Variants in LPL observed in about 807,000 individuals in gnomAD.
LPL encodes the protein phospholipase A1.
A neutral mutation model predicts 52.2 loss-of-function variants in LPL; 43 were observed. The observed-to-expected ratio is 0.82, with a 90% CI of 0.64 to 1.06. The LOEUF (loss-of-function observed/expected upper bound fraction) is 1.06, where lower values mean the gene tolerates loss of function less well. Among genes scored for constraint, LPL ranks in the 50% least tolerant of loss-of-function variants. LPL has a pLI of 0.00. For missense variants in LPL, 639 were observed against 585.3 expected (o/e 1.09, Z -0.95); for synonymous variants, 244 against 215.6 (o/e 1.13, Z -1.15).
Position 19,939,388 on chromosome 8 carries a change from G to A in LPL, c.-53G>A. 2 of 1,543,004 alleles carry A rather than the reference G, an allele frequency of 1.3e-6. No homozygotes were observed. Among genetic ancestry groups the A allele is most frequent in the Non-Finnish European group, 1.8e-6 (2 of 1,137,534 alleles). ...GCCCTCTCCAGCCTCCGGCTCAGCCGGCTCATCAGTCGGTCCGCGCCTTGC... is the reference window on the plus strand; with the variant it reads ...GCCCTCTCCAGCCTCCGGCTCAGCCAGCTCATCAGTCGGTCCGCGCCTTGC... On this transcript the variant is annotated 5_prime_UTR_variant, in exon 1 of 10. Coordinates refer to ENST00000650287, the MANE Select transcript of LPL (RefSeq NM_000237.3). The surrounding 1 kb of genome is among the most constrained non-coding windows in gnomAD (Gnocchi z 4.0).
Position 19,959,339 on chromosome 8 carries a change from G to C in LPL, c.1098G>C (p.Leu366=). Residue 366 remains leucine (L), a synonymous_variant, in exon 7 of 10, where the codon CTG becomes CTC. Coordinates refer to ENST00000650287, the MANE Select transcript of LPL (RefSeq NM_000237.3). ...CCAATCAGGCCTTTGAGATTTCTCT[G>C]TATGGCACCGTGGCCGAGAGTGAGA... ...THTNQAFEIS[L]YGTVAESENI... 3.7e-6 allele frequency: 6 copies of C among 1,614,130 alleles called. No homozygotes were observed. The highest frequency in any genetic ancestry group is 5.1e-6 in the Non-Finnish European group (6 of 1,180,014).
chr8:19,959,113 TTCCAA>T lies in LPL; in HGVS notation c.1019-146_1019-142del. ...ATGAACACTGTGCATGATGAAGTCTTTCCAAGCCACACCAGTGGTTCCATGTGTGT... is the reference window on the plus strand; with the variant it reads ...ATGAACACTGTGCATGATGAAGTCTTGCCACACCAGTGGTTCCATGTGTGT... On this transcript the variant is annotated intron_variant, in intron 6 of 9. Coordinates refer to ENST00000650287, the MANE Select transcript of LPL (RefSeq NM_000237.3). 2.2e-5 allele frequency: 20 copies of T among 921,314 alleles called. No homozygotes were observed. In the Admixed American group the frequency reaches 4.0e-4, roughly 18 times the overall value. 57.1% of individuals were successfully genotyped at this position (921,314 alleles called of 1,614,324 possible). A position where few individuals can be genotyped will look rare whatever the true frequency, so the allele number is the denominator to read the frequency against.
chr8:19,943,498 C>T (rs1174641263), intron 1 of LPL, among the ~76,000 whole-genome samples: 1 of 152,206 alleles, frequency 6.6e-6, no homozygotes, highest in Non-Finnish European at 1.5e-5. Context: ...CAATTGTTGG[C>T]AAAGTAATCA....
At chr8:19,949,817 A>G (rs1331369167) in intron 2 of LPL, among the ~76,000 whole-genome samples, 1 of 152,224 alleles carries the variant, frequency 6.6e-6, no homozygotes, top group African/African-American at 2.4e-5. Context: ...CTTTGGTTAT[A>G]TACAGAACTT....
rs967663518 is a variant in LPL at position 19,939,927 on chromosome 8, T to C, written c.88+399T>C. Among the ~76,000 whole-genome samples the C allele has an allele frequency of 2.6e-5, 4 of 152,060 alleles. No homozygotes were observed. The highest frequency in any genetic ancestry group is 9.7e-5 in the African/African-American group (4 of 41,436). On this transcript the variant is annotated intron_variant, in intron 1 of 9. Transcript: ENST00000650287. The surrounding 1 kb of genome is among the most constrained non-coding windows in gnomAD (Gnocchi z 4.0). The stretch of plus-strand genomic sequence containing the variant: ...CCTCTCTGCCGGAGGGGCCCTGGAA[T>C]GAAAGGCGCGCGGGCCAAGGTGACC...
chr8:19,956,154 A>G, intron 6 of LPL, 71 bp downstream of exon 6: 1 of 1,597,636 alleles, frequency 6.3e-7, no homozygotes, highest in Non-Finnish European at 8.6e-7. Flanking sequence ...CATCACATGT[A>G]CTGATTCTGT....
chr8:19,953,146 T>G (rs1022052559), intron 3 of LPL, among the ~76,000 whole-genome samples, 164 bp from the exon 4 acceptor site: 13 of 152,216 alleles, frequency 8.5e-5, no homozygotes, highest in African/African-American at 3.1e-4. Context: ...ATTTTAACAC[T>G]AGAGAATATT....
At chr8:19,942,616 G>A (rs951860180) in intron 1 of LPL, among the ~76,000 whole-genome samples, 1 of 152,158 alleles carries the variant, frequency 6.6e-6, no homozygotes, top group Non-Finnish European at 1.5e-5. Context: ...TCTTGTCACA[G>A]TGCTTTTGTC....
In LPL at chr8:19,960,982, C is replaced by T. The variant is rs2070033153; in HGVS notation, c.1221C>T (p.Leu407=). 1 of 1,614,028 alleles carries T rather than the reference C, an allele frequency of 6.2e-7. No individual in the cohort carries two copies. Among genetic ancestry groups the T allele is most frequent in the Non-Finnish European group, 8.5e-7 (1 of 1,179,932 alleles). Residue 407 remains leucine, a synonymous_variant, in exon 8 of 10, where the codon CTC becomes CTT. Transcript: ENST00000650287. ...VDIGELLMLK[L]KWKSDSYFSW... is the part of the protein sequence containing the mutation. Reference sequence around the variant, plus strand: ...TTGGAGAACTACTCATGTTGAAGCTCAAATGGAAGAGTGATTCATACTTTA... The same window carrying T: ...TTGGAGAACTACTCATGTTGAAGCTTAAATGGAAGAGTGATTCATACTTTA...
chr8:19,947,086 C>T (rs915026441), intron 1 of LPL, among the ~76,000 whole-genome samples: 2 of 152,318 alleles, frequency 1.3e-5, no homozygotes, highest in African/African-American at 4.8e-5. Flanking sequence ...TATTTCTGAA[C>T]AACCTACTAA....
At position 19,939,355 on chromosome 8, in the gene LPL, CG is replaced by C; in HGVS notation, c.-84del. ...GGGCGACTTGCTCAGCGCCAAACCG[CG>C]GCTCCAGCCCTCTCCAGCCTCCGGC... is the stretch of plus-strand genomic sequence containing the variant. On this transcript the variant is annotated 5_prime_UTR_variant, in exon 1 of 10. Transcript: ENST00000650287. This position sits in a 1 kb window ranked among gnomAD's most constrained non-coding sequence, Gnocchi z 4.0. 7.4e-7 allele frequency: 1 copy of C among 1,345,580 alleles called. No individual in the cohort carries two copies. The highest frequency in any genetic ancestry group is 1.0e-6 in the Non-Finnish European group (1 of 967,040). 83.4% of individuals were successfully genotyped at this position (1,345,580 alleles called of 1,614,324 possible).
chr8:19,940,785 TG>T (rs2069831145), intron 1 of LPL, among the ~76,000 whole-genome samples: 1 of 152,234 alleles, frequency 6.6e-6, no homozygotes, highest in African/African-American at 2.4e-5. Context: ...GAAACATTTT[TG>T]TTAGGTTAAA....
intron 6 of LPL, among the ~76,000 whole-genome samples, chr8:19,958,983 A>G (rs1458667277): frequency 6.6e-6 from 1 of 152,200 alleles, no homozygotes; most frequent in Admixed American, 6.5e-5. Flanking sequence ...AAAGATGGCT[A>G]CTTCCTAATG....
chr8:19,942,892 G>A (rs192730697), intron 1 of LPL, among the ~76,000 whole-genome samples: 50 of 152,308 alleles, frequency 3.3e-4, no homozygotes, highest in East Asian at 2.7e-3. Context: ...AAGTTCTGCC[G>A]GAAGTGAGCC....
intron 2 of LPL, among the ~76,000 whole-genome samples, chr8:19,948,697 GA>G (rs1172669727): frequency 5.3e-5 from 8 of 152,156 alleles, no homozygotes; most frequent in Non-Finnish European, 1.2e-4. Flanking sequence ...ACATTGCCAG[GA>G]GAACCTTTCT....
chr8:19,952,309 T>A, intron 3 of LPL, among the ~76,000 whole-genome samples: 1 of 152,224 alleles, frequency 6.6e-6, no homozygotes, highest in East Asian at 1.9e-4. Context: ...GGACATCTTA[T>A]CCTCACCTTG....
chr8:19,940,460 C>G (rs2069826079), intron 1 of LPL, among the ~76,000 whole-genome samples: 2 of 152,186 alleles, frequency 1.3e-5, no homozygotes, highest in African/African-American at 2.4e-5. Flanking sequence ...TCACCGCCGC[C>G]AGGGAACCGC....
chr8:19,939,385 G>GCCGGCTCAT lies in LPL; in HGVS notation c.-54_-46dup. 2 of 1,536,784 alleles carry GCCGGCTCAT rather than the reference G, an allele frequency of 1.3e-6. No individual in the cohort carries two copies. Among genetic ancestry groups the GCCGGCTCAT allele is most frequent in the South Asian group, 1.2e-5 (1 of 84,642 alleles). On this transcript the variant is annotated 5_prime_UTR_variant, in exon 1 of 10. Coordinates refer to ENST00000650287, the MANE Select transcript of LPL (RefSeq NM_000237.3). The surrounding 1 kb of genome is among the most constrained non-coding windows in gnomAD (Gnocchi z 4.0). ...CCAGCCCTCTCCAGCCTCCGGCTCA[G>GCCGGCTCAT]CCGGCTCATCAGTCGGTCCGCGCCT...
At chr8:19,952,084 G>C in intron 3 of LPL, 136 bp downstream of exon 3, 1 of 980,580 alleles carries the variant, frequency 1.0e-6, no homozygotes, top group Non-Finnish European at 1.6e-6. Context: ...AATCAGCGTG[G>C]ATATTATTTT....
Sources: allele counts gnomAD v4.1 joint callset (sites outside exome capture counted in the v4.1 genomes callset), GRCh38; gene constraint gnomAD v4.1.1; non-coding constraint Gnocchi (gnomAD v3.1); transcripts MANE v1.5; gene names NCBI Gene and HGNC (gene_info 2026-07-23, HGNC 2026-07-21).